OXR1: variants seen among roughly 807,000 people sequenced by gnomAD.
OXR1 encodes the protein oxidation resistance 1.
Under a neutral mutation model 104.6 loss-of-function variants are expected in OXR1, and 41 were observed. That is an observed-to-expected ratio of 0.39 (90% CI 0.31 to 0.51). OXR1 has a LOEUF of 0.51. Among genes scored for constraint, OXR1 ranks in the 20% least tolerant of loss-of-function variants. The pLI, the probability that OXR1 is intolerant of heterozygous loss-of-function variation, is 0.77. For missense variants in OXR1, 955 were observed against 1,031.9 expected (o/e 0.93, Z 1.02); for synonymous variants, 348 against 348.4 (o/e 1.00, Z 0.01).
At chr8:106,478,458 A>T (rs969762986) in intron 2 of OXR1, among the ~76,000 whole-genome samples, 13 of 151,866 alleles carry the variant, frequency 8.6e-5, no homozygotes, top group African/African-American at 3.1e-4. Context: ...AAAGTAGAAT[A>T]AAAGGGCAAT....
At chr8:106,542,023 A>G (rs1814992156) in intron 3 of OXR1, among the ~76,000 whole-genome samples, 1 of 152,180 alleles carries the variant, frequency 6.6e-6, no homozygotes, top group African/African-American at 2.4e-5. Flanking sequence ...TTGCCTTGAG[A>G]GCCCAGTTAG....
intron 3 of OXR1, among the ~76,000 whole-genome samples, chr8:106,618,351 AT>A (rs1057075244): frequency 1.1e-4 from 16 of 152,224 alleles, no homozygotes; most frequent in Non-Finnish European, 2.2e-4. Context: ...CAAAATGCAA[AT>A]GTTTGGCTGG....
intron 3 of OXR1, among the ~76,000 whole-genome samples, chr8:106,627,851 G>A (rs1032750792): frequency 6.6e-6 from 1 of 152,146 alleles, no homozygotes; most frequent in Non-Finnish European, 1.5e-5. Context: ...AGGAATAAGT[G>A]GAGATTGAGG....
intron 3 of OXR1, among the ~76,000 whole-genome samples, chr8:106,672,548 GAAA>G (rs1563690335): frequency 6.0e-4 from 88 of 146,926 alleles, no homozygotes; most frequent in African/African-American, 2.1e-3. Flanking sequence ...AAAAAGAAAA[GAAA>G]GAGAGAAAGG....
intron 3 of OXR1, among the ~76,000 whole-genome samples, chr8:106,600,496 G>A (rs755086647): frequency 7.9e-5 from 12 of 152,158 alleles, no homozygotes; most frequent in Non-Finnish European, 1.6e-4. Flanking sequence ...CAAGTCCTTT[G>A]CCAATCATAT....
chr8:106,566,500 G>A (rs1347689241), intron 3 of OXR1, among the ~76,000 whole-genome samples: 2 of 152,188 alleles, frequency 1.3e-5, no homozygotes, highest in Admixed American at 1.3e-4. Flanking sequence ...GGAGAAATAG[G>A]AATGCTTTTA....
intron 3 of OXR1, among the ~76,000 whole-genome samples, chr8:106,573,412 G>A (rs1817616416): frequency 6.6e-6 from 1 of 151,414 alleles, no homozygotes; most frequent in South Asian, 2.1e-4. Flanking sequence ...ATACTTTCAG[G>A]AATTAAATTC....
chr8:106,510,435 T>A (rs2130030149), intron 2 of OXR1, among the ~76,000 whole-genome samples: 1 of 152,308 alleles, frequency 6.6e-6, no homozygotes, highest in East Asian at 1.9e-4. Context: ...AGAATTGGAA[T>A]ATAAACAAAC....
intron 11 of OXR1, among the ~76,000 whole-genome samples, chr8:106,720,490 A>G (rs1159803006): frequency 6.6e-6 from 1 of 152,232 alleles, no homozygotes; most frequent in African/African-American, 2.4e-5. Flanking sequence ...CCTGTCATGC[A>G]AGTTATATGA....
At chr8:106,324,601 A>G (rs1426070651) in intron 1 of OXR1, among the ~76,000 whole-genome samples, 1 of 151,362 alleles carries the variant, frequency 6.6e-6, no homozygotes, top group Admixed American at 6.6e-5. Flanking sequence ...ATCCTGTGTT[A>G]GTCCTTGGGT....
At chr8:106,292,908 C>A (rs1389969752) in intron 1 of OXR1, among the ~76,000 whole-genome samples, 1 of 152,176 alleles carries the variant, frequency 6.6e-6, no homozygotes, top group Non-Finnish European at 1.5e-5. Flanking sequence ...GGAAGCTTCG[C>A]CCTGGTTGCC....
chr8:106,740,707 G>T (rs897842801), intron 14 of OXR1, among the ~76,000 whole-genome samples: 1 of 152,106 alleles, frequency 6.6e-6, no homozygotes, highest in Non-Finnish European at 1.5e-5. Flanking sequence ...AGGGATTATA[G>T]AGTGGTAGAA....
At chr8:106,316,655 G>A (rs1490679933) in intron 1 of OXR1, among the ~76,000 whole-genome samples, 1 of 151,910 alleles carries the variant, frequency 6.6e-6, no homozygotes, top group African/African-American at 2.4e-5. Context: ...GCTAGGAAAG[G>A]TTAGTGGCTT....
intron 3 of OXR1, among the ~76,000 whole-genome samples, chr8:106,561,058 G>C (rs529298126): frequency 1.3e-5 from 2 of 152,246 alleles, no homozygotes; most frequent in South Asian, 4.2e-4. Flanking sequence ...CAAGGGCCCT[G>C]GGTTTCAAGC....
intron 2 of OXR1, among the ~76,000 whole-genome samples, chr8:106,403,405 A>G (rs1378391071): frequency 1.3e-5 from 2 of 152,218 alleles, no homozygotes; most frequent in African/African-American, 2.4e-5. Flanking sequence ...AGTTATTCCC[A>G]TTGAATTAAG....
At chr8:106,663,046 C>A (rs906322353) in intron 3 of OXR1, among the ~76,000 whole-genome samples, 1 of 152,124 alleles carries the variant, frequency 6.6e-6, no homozygotes, top group African/African-American at 2.4e-5. Context: ...TATTCCAAAT[C>A]CATCCTATCC....
chr8:106,745,950 A>G, intron 16 of OXR1, 88 bp downstream of exon 16: 1 of 734,156 alleles, frequency 1.4e-6, no homozygotes, highest in Non-Finnish European at 2.3e-6. Flanking sequence ...GTCTTTAGAA[A>G]GTGTTGACGT....
intron 3 of OXR1, among the ~76,000 whole-genome samples, chr8:106,537,964 T>C (rs1814674305): frequency 6.6e-6 from 1 of 152,176 alleles, no homozygotes; most frequent in African/African-American, 2.4e-5. Context: ...CTCCTGAAAT[T>C]TTAGCAAAGT....
At chr8:106,397,122 A>G (rs1817812855) in intron 2 of OXR1, among the ~76,000 whole-genome samples, 1 of 152,118 alleles carries the variant, frequency 6.6e-6, no homozygotes, top group Non-Finnish European at 1.5e-5. Flanking sequence ...GATTGCCTTG[A>G]GGTTTTCTGG....
Sources: gnomAD v4.1 joint callset for allele counts (sites outside exome capture counted in the v4.1 genomes callset) on GRCh38, gnomAD v4.1.1 for gene constraint, MANE v1.5 for transcripts, NCBI Gene and HGNC (gene_info 2026-07-23, HGNC 2026-07-21) for gene names.